Variants in MAP4 observed in about 807,000 individuals in gnomAD.
MAP4 encodes the protein microtubule associated protein 4.
In MAP4, 76 loss-of-function variants were observed where a neutral mutation model predicts 170.2. The ratio of observed to expected loss-of-function variants is 0.45; its 90% CI spans 0.37 to 0.54. MAP4 has a LOEUF of 0.54. Ranked by LOEUF, MAP4 falls within the 20% of genes least tolerant of loss-of-function variation. The probability of loss-of-function intolerance (pLI) is 0.00; values close to 1 mark genes in which losing one functional copy is unlikely to be tolerated. For missense variants in MAP4, 2,506 were observed against 2,748.0 expected (o/e 0.91, Z 1.97); for synonymous variants, 909 against 994.5 (o/e 0.91, Z 1.62).
intron 1 of MAP4, among the ~76,000 whole-genome samples, chr3:48,071,523 C>A (rs529411465): frequency 1.3e-5 from 2 of 152,066 alleles, no homozygotes; most frequent in African/African-American, 2.4e-5. Context: ...ACTCCAGAGC[C>A]TGGGCAATGG....
intron 10 of MAP4, chr3:47,892,917 C>G (rs1387463406): frequency 4.1e-6 from 4 of 986,600 alleles, no homozygotes; most frequent in Admixed American, 1.2e-4. Context: ...CCCACCCTTC[C>G]ACATTCAACC....
Position 47,955,358 on chromosome 3 carries a change from T to C in MAP4, c.292+22507A>G, listed in dbSNP as rs539421724. ...GCCTATGAATCTAGCCTCAGGGCTA[T>C]GCCATTCTCCTACCATAATGTAGCC... On this transcript the variant is annotated intron_variant, in intron 3 of 20. Transcript: ENST00000683076. 3.3e-5 allele frequency among the ~76,000 whole-genome samples: 5 copies of C among 151,980 alleles called. No individual in the cohort carries two copies. In the East Asian group the frequency reaches 9.7e-4, roughly 29 times the overall value.
At chr3:47,995,250 CTTT>C (rs67017707) in intron 2 of MAP4, among the ~76,000 whole-genome samples, 7 of 112,222 alleles carry the variant, frequency 6.2e-5, no homozygotes, top group Admixed American at 1.8e-4. Flanking sequence ...TTTTTCTTTT[CTTT>C]TTTTTTTTTT....
intron 17 of MAP4, among the ~76,000 whole-genome samples, chr3:47,865,975 G>C (rs771265808): frequency 6.6e-6 from 1 of 152,148 alleles, no homozygotes; most frequent in Non-Finnish European, 1.5e-5. Flanking sequence ...ACACATCATA[G>C]AGCTGGCACA....
chr3:48,069,512 T>C (rs2100139955), intron 1 of MAP4, among the ~76,000 whole-genome samples: 1 of 152,226 alleles, frequency 6.6e-6, no homozygotes, highest in Non-Finnish European at 1.5e-5. Flanking sequence ...GCAAAGTTTG[T>C]TAATTTGGGC....
chr3:47,980,267 A>G (rs974391792), intron 2 of MAP4, among the ~76,000 whole-genome samples: 3 of 152,190 alleles, frequency 2.0e-5, no homozygotes, highest in Non-Finnish European at 4.4e-5. Context: ...ATATAGATCA[A>G]TTTGGGGATG....
chr3:47,885,073 G>C (rs1460308246), intron 10 of MAP4, among the ~76,000 whole-genome samples: 2 of 152,170 alleles, frequency 1.3e-5, no homozygotes, highest in African/African-American at 2.4e-5. Context: ...TCACCATTAG[G>C]TCTTTGCTGG....
intron 10 of MAP4, chr3:47,891,827 T>C (rs1211577465): frequency 1.3e-6 from 2 of 1,536,336 alleles, no homozygotes; most frequent in Non-Finnish European, 8.7e-7. Context: ...CTCAGAGTTA[T>C]CATTTACCAC....
chr3:48,081,268 A>T (rs1411622972), intron 1 of MAP4, among the ~76,000 whole-genome samples: 1 of 152,060 alleles, frequency 6.6e-6, no homozygotes, highest in Non-Finnish European at 1.5e-5. Flanking sequence ...CCAGCCTGGG[A>T]AACAGCGAGA....
chr3:47,964,378 C>A (rs2100073554), intron 3 of MAP4, among the ~76,000 whole-genome samples: 1 of 152,120 alleles, frequency 6.6e-6, no homozygotes, highest in Non-Finnish European at 1.5e-5. Context: ...TTCTGACAAA[C>A]TGGGTGTGGG....
intron 3 of MAP4, among the ~76,000 whole-genome samples, chr3:47,930,731 A>G (rs1199275099): frequency 6.6e-6 from 1 of 151,686 alleles, no homozygotes; most frequent in Non-Finnish European, 1.5e-5. Flanking sequence ...AATCGAGACC[A>G]TCCTGGCTAA....
intron 3 of MAP4, chr3:47,975,119 G>T: frequency 9.2e-7 from 1 of 1,085,996 alleles, no homozygotes. Flanking sequence ...AAAAAAATGT[G>T]AGAATGAATC....
Position 48,061,269 on chromosome 3 carries a change from T to C in MAP4, c.-20+27504A>G, listed in dbSNP as rs2100135094. ...CCGAAGCTGGACTGTACTGCTGCCATCTCTGCTCACTGCAACCTCCCTGCC... is the reference window on the plus strand; with the variant it reads ...CCGAAGCTGGACTGTACTGCTGCCACCTCTGCTCACTGCAACCTCCCTGCC... On this transcript the variant is annotated intron_variant, in intron 1 of 18. Transcript: ENST00000360240. Among the ~76,000 whole-genome samples, 3 of 144,570 alleles carry C rather than the reference T, an allele frequency of 2.1e-5. No homozygotes were observed. In the South Asian group the frequency reaches 7.5e-4, roughly 36 times the overall value. The allele number at this position is 144,570 out of a possible 152,430, so 94.8% of individuals were successfully genotyped here.
chr3:47,908,957 A>C (rs2100034539), intron 9 of MAP4, 81 bp downstream of exon 9: 1 of 1,404,258 alleles, frequency 7.1e-7, no homozygotes, highest in Admixed American at 2.2e-5. Context: ...GTCTGGATGG[A>C]GCCAAGACAC....
chr3:47,900,735 AAACAACAACAACAAC>A (rs376549564), intron 10 of MAP4, among the ~76,000 whole-genome samples: 2 of 151,866 alleles, frequency 1.3e-5, no homozygotes, highest in Admixed American at 6.6e-5. Context: ...GACTGTCTCA[AAACAACAACAACAAC>A]AACAACAACA....
intron 1 of MAP4, among the ~76,000 whole-genome samples, chr3:48,008,356 C>T (rs1266582405): frequency 1.3e-5 from 2 of 152,162 alleles, no homozygotes; most frequent in East Asian, 3.9e-4. Context: ...AGACAACACC[C>T]GAAAGTGGAG....
rs78266678 is a variant in MAP4 at position 48,076,501 on chromosome 3, T to TA, written c.-20+12271dup. The stretch of plus-strand genomic sequence containing the variant: ...TGGGTGACAGAACGAGACTACATCT[T>TA]AAAAAAAAAAAAAAAAAGGTTACCA... On this transcript the variant is annotated intron_variant, in intron 1 of 18. Coordinates refer to the MAP4 transcript ENST00000360240. Among the ~76,000 whole-genome samples the TA allele has an allele frequency of 5.5e-3, 676 of 121,958 alleles. 10 individuals carry two copies. The highest frequency in any genetic ancestry group is 0.024 in the Middle Eastern group (6 of 246). 80.0% of individuals were successfully genotyped at this position (121,958 alleles called of 152,430 possible). A position where few individuals can be genotyped will look rare whatever the true frequency, so the allele number is the denominator to read the frequency against.
At chr3:48,050,701 A>G (rs193245617) in intron 1 of MAP4, among the ~76,000 whole-genome samples, 27 of 150,952 alleles carry the variant, frequency 1.8e-4, no homozygotes, top group Non-Finnish European at 3.5e-4. Context: ...AGGTCAAGAG[A>G]TCGAGACCAT....
intron 2 of MAP4, among the ~76,000 whole-genome samples, chr3:47,990,112 G>A (rs1315131790): frequency 6.6e-6 from 1 of 152,130 alleles, no homozygotes. Context: ...GAACCCTCTG[G>A]TGCTGTCAGA....
Sources: gnomAD v4.1 joint callset for allele counts (sites outside exome capture counted in the v4.1 genomes callset) on GRCh38, gnomAD v4.1.1 for gene constraint, MANE v1.5 for transcripts, NCBI Gene and HGNC (gene_info 2026-07-23, HGNC 2026-07-21) for gene names.